Variants in RAPGEFL1 observed in about 807,000 individuals in gnomAD.
RAPGEFL1 encodes Rap guanine nucleotide exchange factor like 1.
In RAPGEFL1, 31 loss-of-function variants were observed where a neutral mutation model predicts 64.4. The ratio of observed to expected loss-of-function variants is 0.48; its 90% CI spans 0.36 to 0.65. RAPGEFL1 has a LOEUF of 0.65. Among genes scored for constraint, RAPGEFL1 ranks in the 30% least tolerant of loss-of-function variants. The probability of loss-of-function intolerance (pLI) is 0.00; values close to 1 mark genes in which losing one functional copy is unlikely to be tolerated. For missense variants in RAPGEFL1, 682 were observed against 677.4 expected (o/e 1.01, Z -0.08); for synonymous variants, 331 against 274.1 (o/e 1.21, Z -2.05).
intron 4 of RAPGEFL1, among the ~76,000 whole-genome samples, chr17:40,186,911 G>A (rs1196477606): frequency 6.7e-6 from 1 of 148,750 alleles, no homozygotes; most frequent in Non-Finnish European, 1.5e-5. Context: ...AAAAAAAAAA[G>A]TAGTGAAAAC....
chr17:40,190,782 CT>C lies in RAPGEFL1; in HGVS notation c.1335+21del, dbSNP rs1567696278. ...CATGAGGTGGGGACCGAGGCTGGTG[CT>C]ATGCTGGGGGGCTGGAGGGAGAAAT... is the stretch of plus-strand genomic sequence containing the variant. On this transcript the variant is annotated intron_variant, in intron 8 of 14. Transcript: ENST00000620260. 1.2e-6 allele frequency: 2 copies of C among 1,613,488 alleles called. No individual in the cohort carries two copies. The highest frequency in any genetic ancestry group is 3.3e-5 in the Admixed American group (2 of 59,928).
chr17:40,189,263 T>G lies in RAPGEFL1; in HGVS notation c.1002T>G (p.Leu334=). The G allele has an allele frequency of 6.2e-7, 1 of 1,614,164 alleles. No homozygotes were observed. Among genetic ancestry groups the G allele is most frequent in the Non-Finnish European group, 8.5e-7 (1 of 1,180,004 alleles). Residue 334 remains leucine, a synonymous_variant, in exon 6 of 15, where the codon CTT becomes CTG. Coordinates refer to ENST00000620260, the MANE Select transcript of RAPGEFL1 (RefSeq NM_016339.6). ...DHSYVTIRSR[L]SASVQDILGS... Reference sequence around the variant, plus strand: ...CTTATGTGACCATACGCAGCCGCCTTTCAGCATCTGTGCAGGACATTCTGG... The same window carrying G: ...CTTATGTGACCATACGCAGCCGCCTGTCAGCATCTGTGCAGGACATTCTGG...
chr17:40,192,855 C>T (rs981170326), intron 12 of RAPGEFL1, 71 bp from the exon 13 acceptor site: 11 of 1,420,020 alleles, frequency 7.7e-6, no homozygotes, highest in African/African-American at 4.2e-5. Flanking sequence ...GCGGGGTCCT[C>T]GGGTGCAGTG....
intron 4 of RAPGEFL1, 191 bp from the exon 5 acceptor site, chr17:40,188,675 T>G: frequency 6.9e-6 from 4 of 583,516 alleles, no homozygotes; most frequent in Non-Finnish European, 3.1e-6. Context: ...AGAGGTGGCA[T>G]TTGATTAGGG....
intron 4 of RAPGEFL1, among the ~76,000 whole-genome samples, chr17:40,186,574 CAAAAAAAA>C (rs146110920): frequency 2.7e-4 from 7 of 26,284 alleles, no homozygotes; most frequent in African/African-American, 4.7e-4. Context: ...GACTCCGTCT[CAAAAAAAA>C]AAAAAAAAAA....
chr17:40,178,500 C>T, intron 1 of RAPGEFL1, 119 bp downstream of exon 1: 1 of 417,298 alleles, frequency 2.4e-6, no homozygotes, highest in Non-Finnish European at 4.2e-6. Flanking sequence ...GAGTGGTCCG[C>T]GGAAGCCGGC....
At chr17:40,181,869 G>A (rs989694540) in intron 2 of RAPGEFL1, among the ~76,000 whole-genome samples, 175 bp downstream of exon 2, 5 of 151,986 alleles carry the variant, frequency 3.3e-5, no homozygotes, top group Non-Finnish European at 7.4e-5. Flanking sequence ...ATCACCTGAG[G>A]TCAGGAGATC....
chr17:40,177,605 T>G lies in RAPGEFL1; in HGVS notation c.-257T>G. On this transcript the variant is annotated 5_prime_UTR_variant, in exon 1 of 15. Transcript: ENST00000620260. Reference sequence around the variant, plus strand: ...CACCGGCCCCGCAGCCTGCCCACTCTTCGGGCCGCGTGCCGGCTGCAGCCG... The same window carrying G: ...CACCGGCCCCGCAGCCTGCCCACTCGTCGGGCCGCGTGCCGGCTGCAGCCG... 2.6e-6 allele frequency: 1 copy of G among 381,380 alleles called. No individual in the cohort carries two copies. Among genetic ancestry groups the G allele is most frequent in the Non-Finnish European group, 4.6e-6 (1 of 218,388 alleles). The allele number at this position is 381,380 out of a possible 1,614,324, so 23.6% of individuals were successfully genotyped here.
chr17:40,178,109 A>G lies in RAPGEFL1; in HGVS notation c.248A>G (p.Glu83Gly), dbSNP rs1598436407. ...AEPGLEPPPE[E>G]EGGEPAGVAE... ...CCGGGGCTGGAGCCGCCCCCTGAGG[A>G]GGAAGGAGGAGAGCCGGCGGGGGTC... Residue 83 changes from glutamate (E) to glycine (G), a missense_variant, in exon 1 of 15, where the codon GAG (glutamate) becomes GGG (glycine). Physicochemically the swap from Glu to Gly is moderately conservative, Grantham distance 98. This residue lies in a region of RAPGEFL1 where 271 missense variants were observed against 158.0 expected (regional missense o/e 1.72). Coordinates refer to ENST00000620260, the MANE Select transcript of RAPGEFL1 (RefSeq NM_016339.6). 1 of 560,282 alleles carries G rather than the reference A, an allele frequency of 1.8e-6. No homozygotes were observed. The highest frequency in any genetic ancestry group is 3.1e-6 in the Non-Finnish European group (1 of 321,008). 34.7% of individuals were successfully genotyped at this position (560,282 alleles called of 1,614,324 possible).
At chr17:40,185,604 T>G (rs1990040623) in intron 4 of RAPGEFL1, among the ~76,000 whole-genome samples, 1 of 144,730 alleles carries the variant, frequency 6.9e-6, no homozygotes, top group Admixed American at 6.9e-5. Flanking sequence ...GCCAATATGG[T>G]GAAACCCTGT....
In RAPGEFL1 at chr17:40,190,707, A is replaced by T. The variant is rs1052483739; in HGVS notation, c.1280A>T (p.Asp427Val). The T allele has an allele frequency of 6.2e-7, 1 of 1,613,966 alleles. No homozygotes were observed. The highest frequency in any genetic ancestry group is 1.3e-5 in the African/African-American group (1 of 74,894). The change falls in exon 8 of 15, where the codon GAC (aspartate) becomes GTC (valine). Residue 427 changes from aspartate (D) to valine (V), a missense_variant. This residue lies in a region of RAPGEFL1 where 411 missense variants were observed against 519.4 expected (regional missense o/e 0.79). Coordinates refer to ENST00000620260, the MANE Select transcript of RAPGEFL1 (RefSeq NM_016339.6). ...DTEIHRVEPE[D>V]VANHLTAFHW... ...GAGATCCACCGAGTGGAGCCTGAGGACGTTGCCAACCACCTAACTGCCTTC... is the reference window on the plus strand; with the variant it reads ...GAGATCCACCGAGTGGAGCCTGAGGTCGTTGCCAACCACCTAACTGCCTTC...
chr17:40,183,945 A>G (rs1435235971), intron 2 of RAPGEFL1, among the ~76,000 whole-genome samples: 1 of 137,092 alleles, frequency 7.3e-6, no homozygotes, highest in African/African-American at 2.8e-5. Flanking sequence ...CCAGGTTCAA[A>G]CGATTCTTGT....
At position 40,191,397 on chromosome 17, in the gene RAPGEFL1, A is replaced by G; in HGVS notation, c.1417A>G (p.Ser473Gly). The G allele has an allele frequency of 1.9e-6, 3 of 1,602,478 alleles. No homozygotes were observed. Among genetic ancestry groups the G allele is most frequent in the Non-Finnish European group, 2.5e-6 (3 of 1,178,012 alleles). ...CTTGGAGCTGCTGCTGCAGCGCTGC[A>G]GCGAGGTCACGCACTGGGTGGCCAC... Reference protein sequence around the residue: ...ANLELLLQRCSEVTHWVATEV... With the variant: ...ANLELLLQRCGEVTHWVATEV... The change falls in exon 9 of 15, where the codon AGC becomes GGC. Residue 473 changes from serine to glycine, a missense_variant. Around this residue, in one of 2 missense-constraint regions of RAPGEFL1, gnomAD observed 411 missense variants for 519.4 expected, o/e 0.79. Coordinates refer to ENST00000620260, the MANE Select transcript of RAPGEFL1 (RefSeq NM_016339.6). The surrounding 1 kb of genome is among the most constrained non-coding windows in gnomAD (Gnocchi z 5.1).
Position 40,194,232 on chromosome 17 carries a change from CGTGTGTGTGTGTGTGTGTGTGTGTGT to C in RAPGEFL1, c.*477_*502del, listed in dbSNP as rs56205991. The C allele has an allele frequency of 2.8e-3, 355 of 125,080 alleles. 4 individuals carry two copies. The highest frequency in any genetic ancestry group is 0.012 in the African/African-American group (329 of 27,434). 7.7% of individuals were successfully genotyped at this position (125,080 alleles called of 1,614,324 possible). ...GGGACCCCCAGGAATATTATGTTGC[CGTGTGTGTGTGTGTGTGTGTGTGTGT>C]GTGTGTGTGTGTGTGTGTGTGTGTG... On this transcript the variant is annotated 3_prime_UTR_variant, in exon 15 of 15. Transcript: ENST00000620260.
chr17:40,184,802 CAG>C, intron 4 of RAPGEFL1, 124 bp downstream of exon 4: 1 of 641,866 alleles, frequency 1.6e-6, no homozygotes, highest in African/African-American at 1.9e-5. Flanking sequence ...TGTTTTGAGA[CAG>C]AGTCTCACTT....
Position 40,191,791 on chromosome 17 carries a change from C to G in RAPGEFL1, c.1605+119C>G, listed in dbSNP as rs1324499601. 6 of 1,024,540 alleles carry G rather than the reference C, an allele frequency of 5.9e-6. No individual in the cohort carries two copies. The highest frequency in any genetic ancestry group is 8.8e-6 in the Non-Finnish European group (6 of 681,296). The allele number at this position is 1,024,540 out of a possible 1,614,324, so 63.5% of individuals were successfully genotyped here. A position where few individuals can be genotyped will look rare whatever the true frequency, so the allele number is the denominator to read the frequency against. ...TCTTTGCGCCAGTTGGAGGGAGGCG[C>G]CCTCTTCTGGCATACGCAACCCCAG... On this transcript the variant is annotated intron_variant, in intron 10 of 14. Transcript: ENST00000620260. The surrounding 1 kb of genome is among the most constrained non-coding windows in gnomAD (Gnocchi z 5.1).
rs1257213133 is a variant in RAPGEFL1, at chr17:40,191,103, G to GT, written c.1336-212dup. 1.7e-6 allele frequency: 1 copy of GT among 604,266 alleles called. No individual in the cohort carries two copies. The highest frequency in any genetic ancestry group is 2.1e-5 in the South Asian group (1 of 48,002). The allele number at this position is 604,266 out of a possible 1,614,324, so 37.4% of individuals were successfully genotyped here. A position where few individuals can be genotyped will look rare whatever the true frequency, so the allele number is the denominator to read the frequency against. On this transcript the variant is annotated intron_variant, in intron 8 of 14. Coordinates refer to ENST00000620260, the MANE Select transcript of RAPGEFL1 (RefSeq NM_016339.6). This position sits in a 1 kb window ranked among gnomAD's most constrained non-coding sequence, Gnocchi z 5.1. ...GCCGTGAGCGAATGCCTGGCACCTA[G>GT]TAAGTGCTCAGTAGCTGGTGAAATA...
chr17:40,186,230 C>T (rs563704245), intron 4 of RAPGEFL1, among the ~76,000 whole-genome samples: 1 of 146,798 alleles, frequency 6.8e-6, no homozygotes, highest in African/African-American at 2.5e-5. Context: ...GCCAAGATTG[C>T]ATCACTGCAT....
chr17:40,184,713 A>G, intron 4 of RAPGEFL1, 35 bp downstream of exon 4: 1 of 1,347,714 alleles, frequency 7.4e-7, no homozygotes. Context: ...GGAACAGGAA[A>G]GTGGTCCCCT....
Sources: gnomAD v4.1 joint callset for allele counts (sites outside exome capture counted in the v4.1 genomes callset) on GRCh38, gnomAD v4.1.1 for gene constraint, gnomAD v4.1.1 regional missense constraint, Gnocchi (gnomAD v3.1) non-coding constraint, MANE v1.5 for transcripts, NCBI Gene and HGNC (gene_info 2026-07-23, HGNC 2026-07-21) for gene names.